RGL1: variants seen among roughly 807,000 people sequenced by gnomAD.
RGL1 encodes the protein ral guanine nucleotide dissociation stimulator-like 1.
RGL1 carries 24 observed loss-of-function variants against 95.2 expected under a neutral mutation model. The ratio of observed to expected loss-of-function variants is 0.25; its 90% confidence interval spans 0.18 to 0.35. The LOEUF (loss-of-function observed/expected upper bound fraction) is 0.35, where lower values mean the gene tolerates loss of function less well. Ranked by LOEUF, RGL1 falls within the 10% of genes least tolerant of loss-of-function variation. The pLI is 1.00. For missense variants in RGL1, 715 were observed against 936.3 expected (o/e 0.76, Z 3.08); for synonymous variants, 329 against 344.9 (o/e 0.95, Z 0.51).
chr1:183,922,419 A>G, intron 17 of RGL1, 83 bp downstream of exon 17: 1 of 989,810 alleles, frequency 1.0e-6, no homozygotes, highest in South Asian at 1.4e-5. Flanking sequence ...TTTAGAAGGC[A>G]GAAAACGGAT....
intron 2 of RGL1, among the ~76,000 whole-genome samples, chr1:183,817,237 T>TA (rs1432499725): frequency 6.6e-6 from 1 of 152,232 alleles, no homozygotes; most frequent in African/African-American, 2.4e-5. Context: ...CTGACCCTCA[T>TA]AAAATGTAGA....
chr1:183,892,167 G>T lies in RGL1; in HGVS notation c.1140+6G>T. 6.2e-7 allele frequency: 1 copy of T among 1,601,006 alleles called. No homozygotes were observed. The highest frequency in any genetic ancestry group is 8.6e-7 in the Non-Finnish European group (1 of 1,168,728). On this transcript the variant is annotated splice_donor_region_variant and intron_variant, in intron 9 of 17. Coordinates refer to ENST00000360851, the MANE Select transcript of RGL1 (RefSeq NM_001297671.3). ...GCCGAGAACTACTGATGAAGGTGAG[G>T]CTCTTAGTGAGGCTGCTGTGTAGTG...
chr1:183,727,053 G>A (rs1656349393), intron 1 of RGL1, among the ~76,000 whole-genome samples: 2 of 152,134 alleles, frequency 1.3e-5, no homozygotes, highest in African/African-American at 4.8e-5. Flanking sequence ...CAAAAATATT[G>A]CAAATAAAGA....
In RGL1 at chr1:183,897,895, A is replaced by T; in HGVS notation, c.1228A>T (p.Met410Leu). The T allele has an allele frequency of 1.9e-6, 3 of 1,613,358 alleles. No individual in the cohort carries two copies. Among genetic ancestry groups the T allele is most frequent in the Non-Finnish European group, 1.7e-6 (2 of 1,179,304 alleles). ...TQRRLQLQKDMGVMQGTVPYL... is the reference protein window; with the variant it reads ...TQRRLQLQKDLGVMQGTVPYL... ...GAGGCGGCTGCAGCTCCAGAAGGAC[A>T]TGGTATGTCTGGCCCTCGTCTTCCC... The change falls in exon 10 of 18, where the codon ATG becomes TTG. Residue 410 changes from methionine to leucine, a missense_variant and splice_region_variant. Met to Leu is a conservative substitution (Grantham distance 15). Around this residue, in one of 3 missense-constraint regions of RGL1, gnomAD observed 381 missense variants for 484.8 expected, o/e 0.79. Transcript: ENST00000360851.
intron 1 of RGL1, among the ~76,000 whole-genome samples, chr1:183,668,678 T>C (rs1462515521): frequency 2.0e-5 from 3 of 152,050 alleles, no homozygotes; most frequent in Non-Finnish European, 4.4e-5. Context: ...TTTTTTTGTT[T>C]TCTTTTTGTT....
intron 1 of RGL1, among the ~76,000 whole-genome samples, chr1:183,735,298 A>G (rs1656873325): frequency 6.6e-6 from 1 of 152,224 alleles, no homozygotes; most frequent in African/African-American, 2.4e-5. Flanking sequence ...GAGACACTAT[A>G]TAATTAAAAT....
In RGL1 at chr1:183,904,912, C is replaced by T. The variant is rs116990062; in HGVS notation, c.1413C>T (p.Thr471=). The change falls in exon 13 of 18, where the codon ACC becomes ACT. Residue 471 remains threonine, a synonymous_variant. Transcript: ENST00000360851. ...CTGCCTGCAACAGCTATTGCATGAC[C>T]CCAGACCAAAAGTTCATCCAGTGGT... ...LQSACNSYCM[T]PDQKFIQWFQ... 1,742 of 1,613,772 alleles carry T rather than the reference C, an allele frequency of 1.1e-3. 25 individuals carry two copies. In the East Asian group the frequency reaches 0.032, roughly 30 times the overall value.
rs527894078 is a variant in RGL1, at chr1:183,769,061, T to G, written c.132+26772T>G. Among the ~76,000 whole-genome samples, 3 of 152,352 alleles carry G rather than the reference T, an allele frequency of 2.0e-5. No homozygotes were observed. In the South Asian group the frequency reaches 6.2e-4, roughly 32 times the overall value. On this transcript the variant is annotated intron_variant, in intron 2 of 18. Transcript: ENST00000304685. ...TTTAAATTACATCATGCCATTTCTA[T>G]TTCATTCAGTTTTTTCATTTTTAAC...
chr1:183,856,207 A>G (rs1442608627), intron 3 of RGL1, among the ~76,000 whole-genome samples: 2 of 152,260 alleles, frequency 1.3e-5, no homozygotes, highest in South Asian at 2.1e-4. Context: ...ATGAGTTTAA[A>G]TAGATTTTCT....
chr1:183,764,683 T>C (rs1308393163), intron 2 of RGL1, among the ~76,000 whole-genome samples: 5 of 152,146 alleles, frequency 3.3e-5, no homozygotes, highest in African/African-American at 1.2e-4. Flanking sequence ...GGCTGCTTCA[T>C]GCTAAAAAGG....
intron 2 of RGL1, among the ~76,000 whole-genome samples, chr1:183,811,076 A>G (rs12405230): frequency 0.11 from 17,234 of 152,220 alleles, 1,556 homozygotes; most frequent in East Asian, 0.43. Context: ...GTTGGTTCTC[A>G]TTTAAAACAA....
intron 9 of RGL1, 56 bp downstream of exon 9, chr1:183,892,217 C>T: frequency 7.6e-7 from 1 of 1,307,516 alleles, no homozygotes; most frequent in Non-Finnish European, 1.1e-6. Flanking sequence ...GGAATCCATT[C>T]AAGGAAGAGT....
chr1:183,806,825 C>T (rs1661377703), intron 2 of RGL1, among the ~76,000 whole-genome samples: 1 of 151,946 alleles, frequency 6.6e-6, no homozygotes, highest in South Asian at 2.1e-4. Flanking sequence ...GCAGCTTTGC[C>T]CAGAAGCCAC....
rs757720503 is a variant in RGL1, at chr1:183,927,303, T to C, written c.*1011T>C. ...TAGTACCTCTTTATTATGTGCAATT[T>C]ATTCCTCAGGTGTGGAAATTTCTAC... On this transcript the variant is annotated 3_prime_UTR_variant, in exon 18 of 18. Coordinates refer to ENST00000360851, the MANE Select transcript of RGL1 (RefSeq NM_001297671.3). The C allele has an allele frequency of 6.6e-6, 1 of 152,630 alleles. No homozygotes were observed. Among genetic ancestry groups the C allele is most frequent in the Admixed American group, 6.5e-5 (1 of 15,280 alleles). The allele number at this position is 152,630 out of a possible 1,614,324, so 9.5% of individuals were successfully genotyped here.
Position 183,805,129 on chromosome 1 carries a change from G to C in RGL1, c.-169G>C. 1 of 839,454 alleles carries C rather than the reference G, an allele frequency of 1.2e-6. No individual in the cohort carries two copies. Among genetic ancestry groups the C allele is most frequent in the African/African-American group, 1.8e-5 (1 of 55,274 alleles). The allele number at this position is 839,454 out of a possible 1,614,324, so 52.0% of individuals were successfully genotyped here. ...TCGCCGCGCTCCCTTTGTGGCCCGA[G>C]TCGCGCGCACCGGCGGCGGCGGGGG... On this transcript the variant is annotated 5_prime_UTR_variant, in exon 1 of 18. Coordinates refer to ENST00000360851, the MANE Select transcript of RGL1 (RefSeq NM_001297671.3).
intron 1 of RGL1, among the ~76,000 whole-genome samples, chr1:183,711,125 C>T (rs1011114101): frequency 1.3e-5 from 2 of 152,204 alleles, no homozygotes; most frequent in Non-Finnish European, 2.9e-5. Context: ...CCGGGTCACA[C>T]ACGATGTCTC....
At chr1:183,844,173 A>G (rs916402764) in intron 2 of RGL1, among the ~76,000 whole-genome samples, 3 of 152,314 alleles carry the variant, frequency 2.0e-5, no homozygotes, top group East Asian at 3.9e-4. Context: ...GCAGGCTGAC[A>G]ATTATTTTGG....
At chr1:183,918,257 A>C (rs971081660) in intron 16 of RGL1, among the ~76,000 whole-genome samples, 1 of 152,192 alleles carries the variant, frequency 6.6e-6, no homozygotes, top group African/African-American at 2.4e-5. Flanking sequence ...GGGAGTTGTC[A>C]AACCCCACAG....
At chr1:183,908,502 G>A (rs979632075) in intron 14 of RGL1, among the ~76,000 whole-genome samples, 4 of 152,274 alleles carry the variant, frequency 2.6e-5, no homozygotes, top group African/African-American at 7.2e-5. Flanking sequence ...CTGGCCCTGC[G>A]GAACTCTAGA....
Sources: gnomAD v4.1 joint callset for allele counts (sites outside exome capture counted in the v4.1 genomes callset) on GRCh38, gnomAD v4.1.1 for gene constraint, gnomAD v4.1.1 regional missense constraint, MANE v1.5 for transcripts, NCBI Gene and HGNC (gene_info 2026-07-23, HGNC 2026-07-21) for gene names.